POU2F1: variants seen among roughly 807,000 people sequenced by gnomAD.
POU2F1 encodes POU domain, class 2, transcription factor 1.
In POU2F1, 16 loss-of-function variants were observed where a neutral mutation model predicts 84.9. The ratio of observed to expected loss-of-function variants is 0.19; its 90% confidence interval spans 0.13 to 0.29. The LOEUF is 0.29. POU2F1 is among the 10% of genes least tolerant of loss of function. The pLI, the probability that POU2F1 is intolerant of heterozygous loss-of-function variation, is 1.00. For synonymous variants in POU2F1, 368 were observed against 368.3 expected (o/e 1.00, Z 0.01); for missense variants, 738 against 942.6 (o/e 0.78, Z 2.84).
At chr1:167,376,930 T>G (rs1660365740) in intron 7 of POU2F1, among the ~76,000 whole-genome samples, 1 of 152,216 alleles carries the variant, frequency 6.6e-6, no homozygotes, top group African/African-American at 2.4e-5. Context: ...TATGTTAGAT[T>G]TGATATGCAC....
chr1:167,227,964 A>T (rs1206626846), intron 1 of POU2F1, among the ~76,000 whole-genome samples: 1 of 152,212 alleles, frequency 6.6e-6, no homozygotes, highest in Non-Finnish European at 1.5e-5. Context: ...TGACTTGCTC[A>T]CAGTCACTTA....
intron 8 of POU2F1, among the ~76,000 whole-genome samples, chr1:167,384,231 G>C (rs558875648): frequency 6.6e-6 from 1 of 152,100 alleles, no homozygotes; most frequent in Non-Finnish European, 1.5e-5. Context: ...ACCATACTTG[G>C]CGGTAGATAT....
intron 1 of POU2F1, among the ~76,000 whole-genome samples, chr1:167,248,371 A>G (rs1210416295): frequency 3.3e-5 from 5 of 152,228 alleles, no homozygotes; most frequent in Non-Finnish European, 1.5e-5. Flanking sequence ...ACTGATTTGC[A>G]TACATTGCTG....
chr1:167,333,139 T>C (rs112088409), intron 2 of POU2F1, among the ~76,000 whole-genome samples: 5 of 152,316 alleles, frequency 3.3e-5, no homozygotes, highest in African/African-American at 1.2e-4. Flanking sequence ...AAAAAAATTA[T>C]ACTTCATTAA....
At chr1:167,302,783 T>C (rs547749948) in intron 1 of POU2F1, among the ~76,000 whole-genome samples, 6 of 152,346 alleles carry the variant, frequency 3.9e-5, no homozygotes, top group Admixed American at 2.6e-4. Flanking sequence ...TTATACTAAT[T>C]ATGCTAAATC....
At chr1:167,346,468 T>G (rs561083906) in intron 2 of POU2F1, among the ~76,000 whole-genome samples, 9 of 152,300 alleles carry the variant, frequency 5.9e-5, no homozygotes, top group African/African-American at 2.2e-4. Flanking sequence ...CCCAACCTTT[T>G]TGGCCCCAGT....
intron 1 of POU2F1, among the ~76,000 whole-genome samples, chr1:167,331,859 G>A (rs756603567): frequency 3.3e-5 from 5 of 151,946 alleles, no homozygotes; most frequent in East Asian, 1.9e-4. Flanking sequence ...TATGCCTTAC[G>A]GTACAACTTC....
intron 2 of POU2F1, among the ~76,000 whole-genome samples, chr1:167,364,772 C>T (rs1406238439): frequency 1.3e-5 from 2 of 151,588 alleles, no homozygotes; most frequent in Non-Finnish European, 2.9e-5. Context: ...TTTCACCATG[C>T]TGCCCAAGCT....
intron 2 of POU2F1, among the ~76,000 whole-genome samples, chr1:167,340,133 G>A (rs530463921): frequency 1.3e-5 from 2 of 152,276 alleles, no homozygotes; most frequent in East Asian, 1.9e-4. Context: ...AGGCTGGAGT[G>A]CAATGGCACG....
intron 2 of POU2F1, among the ~76,000 whole-genome samples, chr1:167,343,517 C>T (rs1000554391): frequency 6.6e-6 from 1 of 151,916 alleles, no homozygotes; most frequent in African/African-American, 2.4e-5. Context: ...AATTTTCCAG[C>T]CATGTTATAC....
chr1:167,372,272 A>T (rs1660060278), intron 5 of POU2F1, among the ~76,000 whole-genome samples: 1 of 152,144 alleles, frequency 6.6e-6, no homozygotes. Context: ...TGGATAAATT[A>T]AAAACCTTAT....
At chr1:167,249,383 T>C (rs1650563549) in intron 1 of POU2F1, among the ~76,000 whole-genome samples, 1 of 152,212 alleles carries the variant, frequency 6.6e-6, no homozygotes, top group South Asian at 2.1e-4. Flanking sequence ...GAGAGATTTA[T>C]GAGGAAACTT....
intron 1 of POU2F1, among the ~76,000 whole-genome samples, chr1:167,232,715 C>T (rs1473769109): frequency 2.6e-5 from 4 of 151,986 alleles, no homozygotes; most frequent in South Asian, 2.1e-4. Flanking sequence ...TGGTGGCACA[C>T]GCCCATAATC....
chr1:167,305,966 C>T (rs1027368456), intron 1 of POU2F1, among the ~76,000 whole-genome samples: 1 of 152,154 alleles, frequency 6.6e-6, no homozygotes, highest in Non-Finnish European at 1.5e-5. Context: ...TTTTAGTATA[C>T]ATAGAAATGT....
At chr1:167,401,105 C>T (rs1052542506) in intron 12 of POU2F1, among the ~76,000 whole-genome samples, 1 of 152,054 alleles carries the variant, frequency 6.6e-6, no homozygotes, top group African/African-American at 2.4e-5. Context: ...GGCAATACTG[C>T]CCCCCTACAG....
chr1:167,331,230 A>T (rs560370133), intron 1 of POU2F1, among the ~76,000 whole-genome samples: 1 of 152,196 alleles, frequency 6.6e-6, no homozygotes, highest in African/African-American at 2.4e-5. Context: ...CTTTTACTGT[A>T]TTGGAAAAGC....
intron 1 of POU2F1, among the ~76,000 whole-genome samples, chr1:167,298,766 C>A (rs1654455401): frequency 2.0e-5 from 3 of 152,210 alleles, no homozygotes; most frequent in Admixed American, 2.0e-4. Flanking sequence ...ACAGCATATG[C>A]CATGTTCAGT....
chr1:167,286,806 T>C (rs1455329433), intron 1 of POU2F1, among the ~76,000 whole-genome samples: 1 of 152,222 alleles, frequency 6.6e-6, no homozygotes, highest in African/African-American at 2.4e-5. Flanking sequence ...CAGAGACTTG[T>C]GGCAATATAA....
chr1:167,398,972 A>G (rs1307009985), intron 11 of POU2F1, among the ~76,000 whole-genome samples: 2 of 152,198 alleles, frequency 1.3e-5, no homozygotes, highest in African/African-American at 4.8e-5. Context: ...AACTATAGAT[A>G]TTTAAGGATA....
Sources: gnomAD v4.1 joint callset for allele counts (sites outside exome capture counted in the v4.1 genomes callset) on GRCh38, gnomAD v4.1.1 for gene constraint, MANE v1.5 for transcripts, NCBI Gene and HGNC (gene_info 2026-07-23, HGNC 2026-07-21) for gene names.